The following PRKG1 variants were observed in gnomAD, a reference collection of about 807,000 sequenced individuals.
The protein encoded by PRKG1 is cGMP-dependent protein kinase 1.
A neutral mutation model predicts 88.1 loss-of-function variants in PRKG1; 35 were observed. That is an observed-to-expected ratio of 0.40 (90% CI 0.30 to 0.53). The LOEUF is 0.53. PRKG1 is among the 20% of genes least tolerant of loss of function. PRKG1 has a pLI of 0.59. For synonymous variants in PRKG1, 303 were observed against 292.5 expected (o/e 1.04, Z -0.37); for missense variants, 540 against 839.8 (o/e 0.64, Z 4.41).
intron 2 of PRKG1, among the ~76,000 whole-genome samples, chr10:51,213,075 A>G (rs1838272920): frequency 6.6e-6 from 1 of 152,184 alleles, no homozygotes; most frequent in African/African-American, 2.4e-5. Context: ...CAAATGTCCA[A>G]CAGTGATAGA....
intron 4 of PRKG1, among the ~76,000 whole-genome samples, chr10:51,897,355 A>G (rs1841877141): frequency 1.3e-5 from 2 of 152,168 alleles, no homozygotes; most frequent in Non-Finnish European, 2.9e-5. Flanking sequence ...ATGATTTCTT[A>G]TATGAGAATC....
At chr10:51,881,499 T>G (rs368401998) in intron 4 of PRKG1, among the ~76,000 whole-genome samples, 2 of 152,246 alleles carry the variant, frequency 1.3e-5, no homozygotes, top group East Asian at 3.9e-4. Flanking sequence ...CTTTCATAAT[T>G]CAGTAGTCTA....
chr10:51,692,305 C>T (rs186724346), intron 3 of PRKG1, among the ~76,000 whole-genome samples: 17 of 152,078 alleles, frequency 1.1e-4, no homozygotes, highest in South Asian at 2.1e-4. Context: ...TGCAGTGGCG[C>T]GATCTCGGCT....
chr10:51,622,727 C>A (rs1839240281), intron 3 of PRKG1, among the ~76,000 whole-genome samples: 1 of 152,108 alleles, frequency 6.6e-6, no homozygotes, highest in Admixed American at 6.5e-5. Flanking sequence ...AAAAGCTGAC[C>A]ATTATTGTCA....
Position 50,991,138 on chromosome 10 carries a change from C to T in PRKG1, c.-241C>T. 2.0e-6 allele frequency: 1 copy of T among 500,556 alleles called. No homozygotes were observed. Among genetic ancestry groups the T allele is most frequent in the East Asian group, 4.4e-5 (1 of 22,724 alleles). The allele number at this position is 500,556 out of a possible 1,614,324, so 31.0% of individuals were successfully genotyped here. On this transcript the variant is annotated 5_prime_UTR_variant, in exon 1 of 18. Transcript: ENST00000401604. The surrounding 1 kb of genome is among the most constrained non-coding windows in gnomAD (Gnocchi z 4.5). The stretch of plus-strand genomic sequence containing the variant: ...TGGAGATTAGCACTCTGCCTCTCCT[C>T]TCCATCGCTTTTAGACTTCTCATCC...
At chr10:51,830,118 T>C (rs767223334) in intron 4 of PRKG1, among the ~76,000 whole-genome samples, 1 of 152,138 alleles carries the variant, frequency 6.6e-6, no homozygotes, top group Non-Finnish European at 1.5e-5. Context: ...ATTTGATATG[T>C]TCTATACTCA....
intron 9 of PRKG1, among the ~76,000 whole-genome samples, chr10:52,186,727 TGG>T (rs2132742849): frequency 6.6e-6 from 1 of 152,148 alleles, no homozygotes; most frequent in Admixed American, 6.6e-5. Flanking sequence ...TAAATACATG[TGG>T]AGGAGCCAAA....
At chr10:51,092,935 C>A (rs911295709) in intron 1 of PRKG1, among the ~76,000 whole-genome samples, 3 of 152,042 alleles carry the variant, frequency 2.0e-5, no homozygotes, top group Non-Finnish European at 2.9e-5. Flanking sequence ...ATTAGGAATT[C>A]AAAATATTAG....
intron 3 of PRKG1, among the ~76,000 whole-genome samples, chr10:51,679,821 C>A (rs1277045874): frequency 2.0e-5 from 3 of 147,304 alleles, no homozygotes; most frequent in Non-Finnish European, 4.5e-5. Context: ...GCGCTGCACC[C>A]ACTAACGTGT....
chr10:51,672,848 C>T (rs915355624), intron 3 of PRKG1, among the ~76,000 whole-genome samples: 9 of 152,222 alleles, frequency 5.9e-5, no homozygotes, highest in East Asian at 1.9e-4. Flanking sequence ...TGAGTCAAGA[C>T]GAAGCCAGCC....
chr10:51,438,107 C>T (rs901783584), intron 2 of PRKG1, among the ~76,000 whole-genome samples: 2 of 151,498 alleles, frequency 1.3e-5, no homozygotes, highest in African/African-American at 4.9e-5. Context: ...GGAATCCCAT[C>T]TGATTTGCAT....
intron 2 of PRKG1, among the ~76,000 whole-genome samples, chr10:51,297,362 A>G (rs1376536106): frequency 6.6e-6 from 1 of 152,122 alleles, no homozygotes. Context: ...ACTATCTGGA[A>G]TATAATAAAA....
chr10:51,467,263 A>T (rs1839928519), intron 2 of PRKG1, among the ~76,000 whole-genome samples: 1 of 152,016 alleles, frequency 6.6e-6, no homozygotes, highest in South Asian at 2.1e-4. Flanking sequence ...AAATAAAAAG[A>T]TACCATGAGC....
chr10:52,054,642 G>A, intron 6 of PRKG1, 81 bp downstream of exon 6: 3 of 1,181,962 alleles, frequency 2.5e-6, no homozygotes, highest in South Asian at 1.2e-5. Context: ...CACATGCAGA[G>A]TCTTGTGCTA....
intron 9 of PRKG1, among the ~76,000 whole-genome samples, chr10:52,173,092 A>G (rs1838754815): frequency 6.6e-6 from 1 of 152,234 alleles, no homozygotes; most frequent in Non-Finnish European, 1.5e-5. Flanking sequence ...TATAATGAGG[A>G]TATCTCTCAC....
rs73333784 is a variant in PRKG1, at chr10:51,304,910, C to T, written c.478+151580C>T. On this transcript the variant is annotated intron_variant, in intron 2 of 17. Transcript: ENST00000373980. ...GGACCAGAAGTTTGTCACTTCCTTA[C>T]GTCACATTACTTGTAAGGGGTAGAG... is the stretch of plus-strand genomic sequence containing the variant. 3.5e-3 allele frequency among the ~76,000 whole-genome samples: 538 copies of T among 152,074 alleles called. 2 individuals carry two copies. Among genetic ancestry groups the T allele is most frequent in the African/African-American group, 0.012 (479 of 41,452 alleles).
At chr10:51,350,986 A>G (rs1424437939) in intron 2 of PRKG1, among the ~76,000 whole-genome samples, 2 of 151,610 alleles carry the variant, frequency 1.3e-5, no homozygotes, top group African/African-American at 2.4e-5. Context: ...TCATTGTTCA[A>G]CTCCTACTTA....
chr10:52,179,638 G>C (rs1293457529), intron 9 of PRKG1, among the ~76,000 whole-genome samples: 2 of 152,116 alleles, frequency 1.3e-5, no homozygotes, highest in African/African-American at 4.8e-5. Context: ...ATCTCACAGG[G>C]CTTGGGAGAT....
At chr10:51,296,640 AT>A (rs991060518) in intron 2 of PRKG1, among the ~76,000 whole-genome samples, 2 of 151,678 alleles carry the variant, frequency 1.3e-5, no homozygotes, top group African/African-American at 2.4e-5. Flanking sequence ...TTGTTTATGG[AT>A]TTTTTTATTG....
Sources: allele counts gnomAD v4.1 joint callset (sites outside exome capture counted in the v4.1 genomes callset), GRCh38; gene constraint gnomAD v4.1.1; non-coding constraint Gnocchi (gnomAD v3.1); transcripts MANE v1.5; gene names NCBI Gene and HGNC (gene_info 2026-07-23, HGNC 2026-07-21).